CDC14B: variants seen among roughly 807,000 people sequenced by gnomAD.
CDC14B encodes the protein dual specificity protein phosphatase CDC14B.
In CDC14B, 22 loss-of-function variants were observed where a neutral mutation model predicts 64.2. The ratio of observed to expected loss-of-function variants is 0.34; its 90% CI spans 0.24 to 0.49. The LOEUF (loss-of-function observed/expected upper bound fraction) is 0.49, where lower values mean the gene tolerates loss of function less well. Ranked by LOEUF, CDC14B falls within the 20% of genes least tolerant of loss-of-function variation. The probability of loss-of-function intolerance (pLI) is 0.99; values close to 1 mark genes in which losing one functional copy is unlikely to be tolerated. For missense variants in CDC14B, 498 were observed against 629.9 expected, an observed-to-expected ratio of 0.79 and a Z score of 2.24; for synonymous variants, 191 against 215.8, an observed-to-expected ratio of 0.89 and a Z score of 1.01.
At chr9:96,589,672 T>C (rs1323644862) in intron 1 of CDC14B, among the ~76,000 whole-genome samples, 1 of 151,932 alleles carries the variant, frequency 6.6e-6, no homozygotes, top group East Asian at 1.9e-4. Context: ...AACCGTAAGT[T>C]TTTAGGCCGG....
intron 12 of CDC14B, chr9:96,514,294 T>C (rs1835310284): frequency 1.1e-5 from 5 of 440,084 alleles, no homozygotes; most frequent in African/African-American, 2.1e-5. Flanking sequence ...TCTTTGCCAC[T>C]TGGAACAGTT....
intron 11 of CDC14B, 35 bp downstream of exon 11, chr9:96,523,226 C>G (rs370761687): frequency 1.2e-6 from 2 of 1,609,394 alleles, no homozygotes; most frequent in African/African-American, 1.3e-5. Context: ...GCAGTTAAAG[C>G]AGTAACAACA....
chr9:96,528,773 G>A (rs1253001928), intron 9 of CDC14B, among the ~76,000 whole-genome samples: 1 of 152,176 alleles, frequency 6.6e-6, no homozygotes, highest in Non-Finnish European at 1.5e-5. Flanking sequence ...TGGTGGTGAT[G>A]TTTTTGTTCT....
At chr9:96,602,947 T>G (rs1846599495) in intron 1 of CDC14B, among the ~76,000 whole-genome samples, 1 of 152,058 alleles carries the variant, frequency 6.6e-6, no homozygotes, top group South Asian at 2.1e-4. Flanking sequence ...ACACCAAGGC[T>G]ATTATCACCA....
chr9:96,591,771 A>T (rs983984935), intron 1 of CDC14B, among the ~76,000 whole-genome samples: 3 of 151,138 alleles, frequency 2.0e-5, no homozygotes, highest in Non-Finnish European at 4.4e-5. Flanking sequence ...TTTGAGACGG[A>T]GTCTTGCTCT....
chr9:96,614,486 T>C (rs894900878), intron 1 of CDC14B, among the ~76,000 whole-genome samples: 2 of 152,034 alleles, frequency 1.3e-5, no homozygotes, highest in African/African-American at 4.8e-5. Flanking sequence ...CCCAGCCTAA[T>C]CAGAAATTTT....
At chr9:96,526,150 G>A (rs1227526396) in intron 9 of CDC14B, among the ~76,000 whole-genome samples, 2 of 152,080 alleles carry the variant, frequency 1.3e-5, no homozygotes, top group African/African-American at 4.8e-5. Flanking sequence ...GGCAGATCAT[G>A]AGGTCAGGAG....
At chr9:96,579,404 A>C (rs1274577542) in intron 1 of CDC14B, among the ~76,000 whole-genome samples, 1 of 151,854 alleles carries the variant, frequency 6.6e-6, no homozygotes, top group Non-Finnish European at 1.5e-5. Flanking sequence ...TGGCTAACAC[A>C]GTGAAACCCC....
At chr9:96,497,557 C>T (rs990156069), downstream of CDC14B, among the ~76,000 whole-genome samples, 7 of 152,218 alleles carry the variant, frequency 4.6e-5, no homozygotes, top group Admixed American at 2.0e-4. Context: ...CTACCCACGG[C>T]GCTGAGGCCA....
downstream of CDC14B, among the ~76,000 whole-genome samples, chr9:96,499,945 G>C (rs113003857): frequency 0.017 from 2,517 of 152,328 alleles, 64 homozygotes; most frequent in African/African-American, 0.056. Flanking sequence ...GCAGCCTCCA[G>C]AACTGTGAGG....
chr9:96,566,816 T>G (rs371635188), intron 1 of CDC14B: 28 of 1,605,526 alleles, frequency 1.7e-5, no homozygotes, highest in African/African-American at 2.7e-5. Flanking sequence ...TCCCGGCTCA[T>G]GACTCCAAAG....
At chr9:96,507,055 G>A (rs187588641) in intron 13 of CDC14B, among the ~76,000 whole-genome samples, 88 of 152,210 alleles carry the variant, frequency 5.8e-4, no homozygotes, top group African/African-American at 2.1e-3. Flanking sequence ...GCACTTTGGG[G>A]GGCTGAGGCA....
intron 1 of CDC14B, among the ~76,000 whole-genome samples, chr9:96,585,153 T>C (rs1845385723): frequency 6.6e-6 from 1 of 152,118 alleles, no homozygotes; most frequent in African/African-American, 2.4e-5. Flanking sequence ...AAATGCATTG[T>C]CATGCCAATT....
Position 96,551,831 on chromosome 9 carries a change from T to C in CDC14B, c.462A>G (p.Ile154Met). The change falls in exon 5 of 14, where the codon ATA becomes ATG. Residue 154 changes from isoleucine to methionine, a missense_variant. Ile to Met is a conservative substitution (Grantham distance 10, BLOSUM62 1). Coordinates refer to ENST00000375241, the MANE Select transcript of CDC14B (RefSeq NM_033331.4). ...TATAGGATGTCTCTCCAAAGATTAA[T>C]ATTCTATATGCTTCTTCTGGGGTTC... ...LGRTPEEAYRILIFGETSYIP... is the reference protein window; with the variant it reads ...LGRTPEEAYRMLIFGETSYIP... The C allele has an allele frequency of 1.9e-6, 3 of 1,610,408 alleles. No homozygotes were observed. The highest frequency in any genetic ancestry group is 2.5e-6 in the Non-Finnish European group (3 of 1,178,062).
chr9:96,556,938 C>G (rs1479864843), intron 4 of CDC14B, among the ~76,000 whole-genome samples: 1 of 152,190 alleles, frequency 6.6e-6, no homozygotes, highest in African/African-American at 2.4e-5. Context: ...GCCTGCTCCT[C>G]TGGCCGTATT....
At chr9:96,593,965 C>T (rs573867227) in intron 1 of CDC14B, among the ~76,000 whole-genome samples, 5 of 152,148 alleles carry the variant, frequency 3.3e-5, no homozygotes, top group South Asian at 2.1e-4. Context: ...AATATTTAGA[C>T]GTAAGAAAAT....
intron 1 of CDC14B, among the ~76,000 whole-genome samples, chr9:96,578,773 C>T (rs1483065508): frequency 6.6e-6 from 1 of 152,150 alleles, no homozygotes; most frequent in African/African-American, 2.4e-5. Flanking sequence ...CTGGTGAAAT[C>T]CCAATAAAGT....
At chr9:96,616,892 A>C (rs1847665887) in intron 1 of CDC14B, among the ~76,000 whole-genome samples, 3 of 152,190 alleles carry the variant, frequency 2.0e-5, no homozygotes, top group African/African-American at 7.2e-5. Context: ...AGCCCAATAA[A>C]AAGTAATCTG....
At position 96,515,601 on chromosome 9, in the gene CDC14B, TA is replaced by T. The variant is rs1290270735; in HGVS notation, c.1344-5813del. 5.4e-6 allele frequency: 8 copies of T among 1,493,810 alleles called. No homozygotes were observed. The East Asian group carries it at 1.5e-4, about 29-fold the overall frequency. The allele number at this position is 1,493,810 out of a possible 1,614,324, so 92.5% of individuals were successfully genotyped here. On this transcript the variant is annotated intron_variant, in intron 12 of 13. Coordinates refer to ENST00000375241, the MANE Select transcript of CDC14B (RefSeq NM_033331.4). The surrounding 1 kb of genome is among the most constrained non-coding windows in gnomAD (Gnocchi z 4.3). ...AAAACATGCATTGTGGGAACCACAC[TA>T]GGCACCAGAAGTAAGCAACGGCAGA...
Sources: allele counts gnomAD v4.1 joint callset (sites outside exome capture counted in the v4.1 genomes callset), GRCh38; gene constraint gnomAD v4.1.1; non-coding constraint Gnocchi (gnomAD v3.1); transcripts MANE v1.5; gene names NCBI Gene and HGNC (gene_info 2026-07-23, HGNC 2026-07-21).